Variants in RALGAPB observed in about 807,000 individuals in gnomAD.
The protein encoded by RALGAPB is Ral GTPase activating protein non-catalytic subunit beta.
In RALGAPB, 25 loss-of-function variants were observed where a neutral mutation model predicts 161.1. The ratio of observed to expected loss-of-function variants is 0.16; its 90% confidence interval spans 0.11 to 0.22. The LOEUF (loss-of-function observed/expected upper bound fraction) is 0.22, where lower values mean the gene tolerates loss of function less well. Ranked by LOEUF, RALGAPB falls within the 10% of genes least tolerant of loss-of-function variation. The pLI is 1.00. For synonymous variants in RALGAPB, 629 were observed against 626.1 expected (o/e 1.00, Z -0.07); for missense variants, 1,391 against 1,815.2 (o/e 0.77, Z 4.25).
chr20:38,558,301 G>A lies in RALGAPB; in HGVS notation c.3379G>A (p.Ala1127Thr), dbSNP rs1218180703. Residue 1127 changes from alanine (A) to threonine (T), a missense_variant, in exon 23 of 30, where the codon GCA becomes ACA. Coordinates refer to ENST00000262879, the MANE Select transcript of RALGAPB (RefSeq NM_020336.4). ...FLSLEALKEP[A>T]NSRLPPHLIA... ...TTTCTTCTTTTGGTGGCAGGAACCTGCAAATAGTCGTCTACCTCCTCACCT... is the reference window on the plus strand; with the variant it reads ...TTTCTTCTTTTGGTGGCAGGAACCTACAAATAGTCGTCTACCTCCTCACCT... 5.9e-6 allele frequency: 9 copies of A among 1,513,568 alleles called. No homozygotes were observed. The highest frequency in any genetic ancestry group is 7.1e-6 in the Non-Finnish European group (8 of 1,125,418). The allele number at this position is 1,513,568 out of a possible 1,614,324, so 93.8% of individuals were successfully genotyped here. A position where few individuals can be genotyped will look rare whatever the true frequency, so the allele number is the denominator to read the frequency against.
intron 3 of RALGAPB, among the ~76,000 whole-genome samples, chr20:38,493,942 C>T (rs1324426514): frequency 6.6e-6 from 1 of 152,196 alleles, no homozygotes; most frequent in Non-Finnish European, 1.5e-5. Context: ...TCAGACATTC[C>T]TCTAAGACCT....
Position 38,565,344 on chromosome 20 carries a change from TC to T in RALGAPB, c.3698-14del. ...CTTTTTGAAGCGGTAATGTAGTGTT[TC>T]TTTTTCCCAGAAGAAGTGATTTCCT... On this transcript the variant is annotated splice_polypyrimidine_tract_variant and intron_variant, in intron 24 of 29. Transcript: ENST00000262879. 1 of 1,612,702 alleles carries T rather than the reference TC, an allele frequency of 6.2e-7. No individual in the cohort carries two copies. The highest frequency in any genetic ancestry group is 1.1e-5 in the South Asian group (1 of 90,888).
intron 9 of RALGAPB, among the ~76,000 whole-genome samples, chr20:38,519,208 C>T (rs1246631410): frequency 6.6e-6 from 1 of 151,984 alleles, no homozygotes; most frequent in African/African-American, 2.4e-5. Flanking sequence ...ATAATTTTAT[C>T]CACAATTTGA....
At chr20:38,475,837 G>A (rs562675409) in intron 1 of RALGAPB, among the ~76,000 whole-genome samples, 30 of 152,106 alleles carry the variant, frequency 2.0e-4, no homozygotes, top group Non-Finnish European at 3.4e-4. Flanking sequence ...GGTTCATGTC[G>A]AACTGCTGAC....
chr20:38,538,863 A>G (rs961422925), intron 16 of RALGAPB, among the ~76,000 whole-genome samples: 1 of 152,244 alleles, frequency 6.6e-6, no homozygotes, highest in East Asian at 1.9e-4. Flanking sequence ...AAAGGTAAGC[A>G]TACACCTACA....
intron 4 of RALGAPB, among the ~76,000 whole-genome samples, chr20:38,498,787 C>G (rs1600861917): frequency 1.3e-5 from 2 of 152,220 alleles, no homozygotes; most frequent in South Asian, 4.1e-4. Flanking sequence ...GCCCCATTTT[C>G]ATGGTTAAGG....
At chr20:38,501,455 T>A (rs1434514731) in intron 5 of RALGAPB, among the ~76,000 whole-genome samples, 1 of 152,032 alleles carries the variant, frequency 6.6e-6, no homozygotes, top group African/African-American at 2.4e-5. Flanking sequence ...CTACAAAAAA[T>A]AGCCAGGTGT....
chr20:38,472,925 C>G lies in RALGAPB; in HGVS notation c.-175C>G, dbSNP rs934351878. ...CTTGGCGCCCTGGGAGAGTCGCTGA[C>G]GGGTGGACTGACGGACCGCCTGAGG... On this transcript the variant is annotated 5_prime_UTR_variant, in exon 1 of 30. Transcript: ENST00000262879. The G allele has an allele frequency of 2.5e-5, 10 of 398,908 alleles. No individual in the cohort carries two copies. The highest frequency in any genetic ancestry group is 2.1e-4 in the African/African-American group (10 of 48,750). The allele number at this position is 398,908 out of a possible 1,614,324, so 24.7% of individuals were successfully genotyped here.
Position 38,567,165 on chromosome 20 carries a change from T to C in RALGAPB, c.3887T>C (p.Leu1296Pro). ...DSNMDLMPGILKQPSLTLELF... is the reference protein window; with the variant it reads ...DSNMDLMPGIPKQPSLTLELF... ...AATATGGATCTTATGCCAGGAATTC[T>C]GAAACAGCCATCCCTGACACTTGAG... Residue 1296 changes from leucine to proline, a missense_variant, in exon 26 of 30, where the codon CTG (leucine) becomes CCG (proline). Coordinates refer to ENST00000262879, the MANE Select transcript of RALGAPB (RefSeq NM_020336.4). 6.2e-7 allele frequency: 1 copy of C among 1,613,746 alleles called. No individual in the cohort carries two copies. The highest frequency in any genetic ancestry group is 8.5e-7 in the Non-Finnish European group (1 of 1,179,742).
chr20:38,531,051 C>T, intron 13 of RALGAPB, 116 bp from the exon 14 acceptor site: 1 of 847,494 alleles, frequency 1.2e-6, no homozygotes, highest in Non-Finnish European at 1.9e-6. Flanking sequence ...ATGGGTATTT[C>T]AGGAATGCTC....
intron 25 of RALGAPB, among the ~76,000 whole-genome samples, chr20:38,566,516 T>G (rs558296676): frequency 6.6e-6 from 1 of 152,300 alleles, no homozygotes; most frequent in Non-Finnish European, 1.5e-5. Flanking sequence ...ACATCTCCTA[T>G]GCCAACTGTG....
intron 1 of RALGAPB, among the ~76,000 whole-genome samples, chr20:38,484,226 T>C (rs1208849651): frequency 6.6e-6 from 1 of 152,136 alleles, no homozygotes; most frequent in Non-Finnish European, 1.5e-5. Context: ...ATACTGGGCC[T>C]AATGGAACTC....
Position 38,555,460 on chromosome 20 carries a change from GAGC to G in RALGAPB, c.3372+1387_3372+1389del, listed in dbSNP as rs1454101477. 2.0e-5 allele frequency among the ~76,000 whole-genome samples: 3 copies of G among 152,174 alleles called. No homozygotes were observed. The East Asian group carries it at 5.8e-4, about 29-fold the overall frequency. ...TAAAAACTTAAAATGCAGAATAAAA[GAGC>G]AGAGAGAGGAAAATTATAAGAAACA... On this transcript the variant is annotated intron_variant, in intron 22 of 29. Transcript: ENST00000262879.
At chr20:38,538,715 G>A (rs998915698) in intron 16 of RALGAPB, among the ~76,000 whole-genome samples, 1 of 152,124 alleles carries the variant, frequency 6.6e-6, no homozygotes, top group Non-Finnish European at 1.5e-5. Flanking sequence ...ACCATGATGA[G>A]ATACCACTGC....
At chr20:38,503,545 C>T (rs2122980789) in intron 5 of RALGAPB, among the ~76,000 whole-genome samples, 1 of 152,262 alleles carries the variant, frequency 6.6e-6, no homozygotes, top group Non-Finnish European at 1.5e-5. Flanking sequence ...CATGATAAAA[C>T]TAATGGTGAG....
At chr20:38,537,048 T>C (rs1167653240) in intron 16 of RALGAPB, among the ~76,000 whole-genome samples, 1 of 152,208 alleles carries the variant, frequency 6.6e-6, no homozygotes, top group Non-Finnish European at 1.5e-5. Context: ...AATGGAGCAC[T>C]GCTCTGGACC....
At chr20:38,485,625 C>G (rs1325039743) in intron 1 of RALGAPB, among the ~76,000 whole-genome samples, 1 of 152,154 alleles carries the variant, frequency 6.6e-6, no homozygotes, top group Non-Finnish European at 1.5e-5. Context: ...CGGGGTTTTG[C>G]CCTGTTGGCC....
intron 3 of RALGAPB, among the ~76,000 whole-genome samples, chr20:38,496,785 G>T (rs944052109): frequency 6.6e-6 from 1 of 152,120 alleles, no homozygotes; most frequent in Non-Finnish European, 1.5e-5. Flanking sequence ...GCAGTAGCAG[G>T]TATTTATTTC....
At chr20:38,510,905 G>A (rs982868796) in intron 6 of RALGAPB, among the ~76,000 whole-genome samples, 11 of 114,646 alleles carry the variant, frequency 9.6e-5, no homozygotes, top group Non-Finnish European at 1.4e-4. Context: ...GCGAGACTCC[G>A]TCTCAAAAAA....
Sources: allele counts gnomAD v4.1 joint callset (sites outside exome capture counted in the v4.1 genomes callset), GRCh38; gene constraint gnomAD v4.1.1; transcripts MANE v1.5; gene names NCBI Gene and HGNC (gene_info 2026-07-23, HGNC 2026-07-21).